The following RPS6KA5 variants were observed in gnomAD, a reference collection of about 807,000 sequenced individuals.
The protein encoded by RPS6KA5 is ribosomal protein S6 kinase alpha-5.
A neutral mutation model predicts 85.5 loss-of-function variants in RPS6KA5; 27 were observed. The observed-to-expected ratio is 0.32, with a 90% CI of 0.23 to 0.44. The LOEUF (loss-of-function observed/expected upper bound fraction) is 0.44, where lower values mean the gene tolerates loss of function less well. RPS6KA5 is among the 20% of genes least tolerant of loss of function. RPS6KA5 has a pLI of 1.00. For missense variants in RPS6KA5, 811 were observed against 980.9 expected (o/e 0.83, Z 2.31); for synonymous variants, 334 against 348.2 (o/e 0.96, Z 0.46).
intron 2 of RPS6KA5, among the ~76,000 whole-genome samples, chr14:90,992,196 A>G (rs1255201827): frequency 6.6e-6 from 1 of 152,180 alleles, no homozygotes; most frequent in African/African-American, 2.4e-5. Flanking sequence ...GCTTCCACCT[A>G]CTCCATTTAG....
At chr14:90,911,561 T>G (rs2035817512) in intron 7 of RPS6KA5, 1 of 152,178 alleles carries the variant, frequency 6.6e-6, no homozygotes, top group South Asian at 2.1e-4. Context: ...TAAGCTTCAC[T>G]TACTCTACAT....
intron 7 of RPS6KA5, among the ~76,000 whole-genome samples, chr14:90,916,026 A>G (rs2036102179): frequency 6.6e-6 from 1 of 152,186 alleles, no homozygotes; most frequent in Non-Finnish European, 1.5e-5. Context: ...ATGAATAGCT[A>G]AAAGATTTAT....
In RPS6KA5 at chr14:90,871,880, G is replaced by T; in HGVS notation, c.*194C>A. ...TAGGTTGCTAAAAAGAGTAATATGT[G>T]CTCTATTCACAGTAACATTCTCTGT... On this transcript the variant is annotated 3_prime_UTR_variant, in exon 17 of 17. Transcript: ENST00000614987. 1.6e-6 allele frequency: 1 copy of T among 621,056 alleles called. No individual in the cohort carries two copies. Among genetic ancestry groups the T allele is most frequent in the Non-Finnish European group, 2.7e-6 (1 of 368,836 alleles). The allele number at this position is 621,056 out of a possible 1,614,324, so 38.5% of individuals were successfully genotyped here. A position where few individuals can be genotyped will look rare whatever the true frequency, so the allele number is the denominator to read the frequency against.
At chr14:90,958,593 C>G (rs749817313) in intron 3 of RPS6KA5, among the ~76,000 whole-genome samples, 6 of 152,128 alleles carry the variant, frequency 3.9e-5, no homozygotes, top group Non-Finnish European at 5.9e-5. Context: ...TTTAATCTCT[C>G]TGAATCTAAA....
chr14:90,967,877 T>A (rs575890486), intron 3 of RPS6KA5, among the ~76,000 whole-genome samples: 1 of 152,278 alleles, frequency 6.6e-6, no homozygotes, highest in African/African-American at 2.4e-5. Context: ...CCTCCCTAAA[T>A]CCCACGTGTC....
At chr14:90,891,658 T>C (rs921167580) in intron 13 of RPS6KA5, among the ~76,000 whole-genome samples, 2 of 152,204 alleles carry the variant, frequency 1.3e-5, no homozygotes, top group African/African-American at 2.4e-5. Flanking sequence ...GTATCACTGA[T>C]GCAAAGAAGA....
chr14:90,922,280 T>C (rs1047603758), intron 6 of RPS6KA5, among the ~76,000 whole-genome samples: 4 of 152,198 alleles, frequency 2.6e-5, no homozygotes, highest in African/African-American at 9.7e-5. Context: ...CATGACTATA[T>C]GTTTCCGAAT....
Position 91,060,342 on chromosome 14 carries a change from C to G in RPS6KA5, c.93G>C (p.Glu31Asp). 7.1e-7 allele frequency: 1 copy of G among 1,416,630 alleles called. No individual in the cohort carries two copies. The highest frequency in any genetic ancestry group is 9.3e-7 in the Non-Finnish European group (1 of 1,074,776). The allele number at this position is 1,416,630 out of a possible 1,614,324, so 87.8% of individuals were successfully genotyped here. A position where few individuals can be genotyped will look rare whatever the true frequency, so the allele number is the denominator to read the frequency against. The change falls in exon 1 of 17, where the codon GAG becomes GAC. Residue 31 changes from glutamate (E) to aspartate (D), a missense_variant. By Grantham distance (45) the Glu-to-Asp change is conservative (BLOSUM62 2). Around this residue, in one of 3 missense-constraint regions of RPS6KA5, gnomAD observed 113 missense variants for 100.0 expected, o/e 1.13. Transcript: ENST00000614987. The stretch of plus-strand genomic sequence containing the variant: ...GGCGGGGTCGCTCACCAGTCCGCAG[C>G]TCGTGCTTGACAGTGAGGAGCTGCT... The part of the protein sequence containing the change: ...GGEQLLTVKH[E>D]LRTANLTGHA...
Position 90,900,698 on chromosome 14 carries a change from AC to A in RPS6KA5, c.1157del (p.Arg386LeufsTer6), listed in dbSNP as rs769998617. On this transcript the variant is annotated frameshift_variant, in exon 10 of 17. Coordinates refer to ENST00000614987, the MANE Select transcript of RPS6KA5 (RefSeq NM_004755.4). LOFTEE classifies it high-confidence loss of function. The part of the protein sequence containing the change: ...SFVAPSILFK[R>X]NAAVIDPLQF... ...GAAGAGGGTCTATGACAGCTGCATT[AC>A]GCTTGAATAGGATGGAAGGAGCAAC... 6.2e-7 allele frequency: 1 copy of A among 1,613,846 alleles called. No individual in the cohort carries two copies. Among genetic ancestry groups the A allele is most frequent in the Non-Finnish European group, 8.5e-7 (1 of 1,179,808 alleles).
At position 90,978,340 on chromosome 14, in the gene RPS6KA5, A is replaced by G. The variant is rs1330797012; in HGVS notation, c.360T>C (p.Ala120=). 2.5e-6 allele frequency: 4 copies of G among 1,609,564 alleles called. No individual in the cohort carries two copies. Among genetic ancestry groups the G allele is most frequent in the Non-Finnish European group, 3.4e-6 (4 of 1,178,586 alleles). The change falls in exon 3 of 17, where the codon GCT becomes GCC. Residue 120 remains alanine, a synonymous_variant. Coordinates refer to ENST00000614987, the MANE Select transcript of RPS6KA5 (RefSeq NM_004755.4). ...QSPFLVTLHY[A]FQTETKLHLI... is the part of the protein sequence containing the mutation. ...GATGAAGTTTGGTTTCTGTCTGGAA[A>G]GCATAATGTAATGTTACCAAAAATG...
intron 5 of RPS6KA5, among the ~76,000 whole-genome samples, chr14:90,932,974 T>C (rs912882356): frequency 6.6e-6 from 1 of 152,188 alleles, no homozygotes; most frequent in Non-Finnish European, 1.5e-5. Context: ...TCCTCTGCTA[T>C]GCTCTTCACA....
chr14:90,956,700 C>T (rs2038532754), intron 3 of RPS6KA5, among the ~76,000 whole-genome samples: 1 of 150,540 alleles, frequency 6.6e-6, no homozygotes, highest in Admixed American at 6.6e-5. Flanking sequence ...TTAGTGGTTG[C>T]TCTGCAACTT....
chr14:90,947,663 TATA>T, intron 3 of RPS6KA5, 113 bp from the exon 4 acceptor site: 1 of 635,916 alleles, frequency 1.6e-6, no homozygotes, highest in South Asian at 2.0e-5. Flanking sequence ...TATATTGCTA[TATA>T]CAATTTAGCA....
At chr14:90,880,802 A>C (rs1018825508) in intron 14 of RPS6KA5, among the ~76,000 whole-genome samples, 3 of 143,296 alleles carry the variant, frequency 2.1e-5, no homozygotes, top group African/African-American at 7.7e-5. Context: ...ATATATGAGG[A>C]CCCTCTGACC....
chr14:90,987,517 C>G (rs902641990), intron 2 of RPS6KA5, among the ~76,000 whole-genome samples: 1 of 152,080 alleles, frequency 6.6e-6, no homozygotes, highest in Non-Finnish European at 1.5e-5. Context: ...GGAAAAAAAG[C>G]TATCTTATCA....
intron 2 of RPS6KA5, among the ~76,000 whole-genome samples, chr14:90,991,080 C>A (rs527351268): frequency 1.3e-5 from 2 of 151,104 alleles, no homozygotes; most frequent in Non-Finnish European, 2.9e-5. Flanking sequence ...GTAAGCTGGG[C>A]GAAAAAAGAC....
intron 14 of RPS6KA5, 122 bp from the exon 15 acceptor site, chr14:90,875,482 T>G: frequency 1.1e-6 from 1 of 877,552 alleles, no homozygotes; most frequent in Non-Finnish European, 1.7e-6. Flanking sequence ...TGATTGAGTT[T>G]AAAAGATTAC....
At chr14:90,974,066 C>T (rs1360840808) in intron 3 of RPS6KA5, among the ~76,000 whole-genome samples, 1 of 99,612 alleles carries the variant, frequency 1.0e-5, no homozygotes, top group Non-Finnish European at 2.2e-5. Context: ...AAAATAGTGT[C>T]CAAACACCAC....
In RPS6KA5 at chr14:90,900,676, G is replaced by A. The variant is rs2035113990; in HGVS notation, c.1180C>T (p.Leu394Phe). The A allele has an allele frequency of 6.8e-6, 11 of 1,613,828 alleles. No homozygotes were observed. Among genetic ancestry groups the A allele is most frequent in the African/African-American group, 2.7e-5 (2 of 74,928 alleles). The change falls in exon 10 of 17, where the codon CTT (leucine) becomes TTT (phenylalanine). Residue 394 changes from leucine (L) to phenylalanine (F), a missense_variant. Leu to Phe is a conservative substitution (Grantham distance 22). Around this residue, in one of 3 missense-constraint regions of RPS6KA5, gnomAD observed 650 missense variants for 793.4 expected, o/e 0.82. Transcript: ENST00000614987. Reference sequence around the variant, plus strand: ...CGTTCAACTCCCATGTGAAACTGAAGAGGGTCTATGACAGCTGCATTACGC... The same window carrying A: ...CGTTCAACTCCCATGTGAAACTGAAAAGGGTCTATGACAGCTGCATTACGC... ...FKRNAAVIDPLQFHMGVERPG... is the reference protein window; with the variant it reads ...FKRNAAVIDPFQFHMGVERPG...
Sources: allele counts gnomAD v4.1 joint callset (sites outside exome capture counted in the v4.1 genomes callset), GRCh38; gene constraint gnomAD v4.1.1; regional missense constraint gnomAD v4.1.1; transcripts MANE v1.5; gene names NCBI Gene and HGNC (gene_info 2026-07-23, HGNC 2026-07-21).